PHLDB2: variants seen among roughly 807,000 people sequenced by gnomAD.
The protein encoded by PHLDB2 is pleckstrin homology-like domain family B member 2.
Under a neutral mutation model 123.6 loss-of-function variants are expected in PHLDB2, and 71 were observed. The ratio of observed to expected loss-of-function variants is 0.57; its 90% CI spans 0.47 to 0.70. The LOEUF (loss-of-function observed/expected upper bound fraction) is 0.70, where lower values mean the gene tolerates loss of function less well. Ranked by LOEUF, PHLDB2 falls within the 30% of genes least tolerant of loss-of-function variation. PHLDB2 has a pLI of 0.00. For synonymous variants in PHLDB2, 547 were observed against 541.6 expected (o/e 1.01, Z -0.14); for missense variants, 1,446 against 1,519.5 (o/e 0.95, Z 0.80).
chr3:111,858,856 C>A (rs1323524456), upstream of PHLDB2, among the ~76,000 whole-genome samples: 1 of 152,192 alleles, frequency 6.6e-6, no homozygotes, highest in Non-Finnish European at 1.5e-5. Context: ...TTCACATTCC[C>A]GCGTGCCGAG....
chr3:111,836,021 C>G (rs1051210168), intron 1 of PHLDB2, among the ~76,000 whole-genome samples: 1 of 152,186 alleles, frequency 6.6e-6, no homozygotes, highest in Non-Finnish European at 1.5e-5. Context: ...GTGGCATGAG[C>G]ATGTAAGCCA....
chr3:111,757,548 C>G (rs6764720), intron 1 of PHLDB2, among the ~76,000 whole-genome samples: 75,945 of 151,934 alleles, frequency 0.5, 19,572 homozygotes, highest in African/African-American at 0.62. Flanking sequence ...GTAGTTTGAT[C>G]GTCTGAAGCC....
At chr3:111,913,923 A>C (rs1420819122) in intron 3 of PHLDB2, 1 of 574,272 alleles carries the variant, frequency 1.7e-6, no homozygotes, top group Middle Eastern at 4.6e-4. Context: ...AAGAGTAGAA[A>C]GAAAGCACAT....
At chr3:111,968,624 C>T (rs1273354257) in intron 15 of PHLDB2, among the ~76,000 whole-genome samples, 1 of 152,168 alleles carries the variant, frequency 6.6e-6, no homozygotes, top group Non-Finnish European at 1.5e-5. Flanking sequence ...TTTGTGGTTG[C>T]TGGCCATTTG....
intron 1 of PHLDB2, among the ~76,000 whole-genome samples, chr3:111,780,742 C>A (rs1208859223): frequency 6.6e-6 from 1 of 152,040 alleles, no homozygotes; most frequent in Admixed American, 6.6e-5. Context: ...TGGGTTATGG[C>A]AGACTTGCAG....
intron 1 of PHLDB2, among the ~76,000 whole-genome samples, chr3:111,845,051 T>A (rs1215751508): frequency 6.6e-6 from 1 of 152,132 alleles, no homozygotes; most frequent in African/African-American, 2.4e-5. Context: ...CACTGGTTTC[T>A]TTCCCTATAA....
In PHLDB2 at chr3:111,969,698, T is replaced by G; in HGVS notation, c.3324T>G (p.Pro1108=). ...IRERQRAQAR[P]LTRYLPVRKE... Reference sequence around the variant, plus strand: ...GTTTTGCACTTTTCCAGGCTCGTCCTTTGACACGCTACCTGCCTGTCCGGA... The same window carrying G: ...GTTTTGCACTTTTCCAGGCTCGTCCGTTGACACGCTACCTGCCTGTCCGGA... The change falls in exon 16 of 18, where the codon CCT becomes CCG. Residue 1108 remains proline, a synonymous_variant. Coordinates refer to ENST00000431670, the MANE Select transcript of PHLDB2 (RefSeq NM_001134438.2). The G allele has an allele frequency of 1.2e-6, 2 of 1,613,874 alleles. No homozygotes were observed. The highest frequency in any genetic ancestry group is 2.2e-5 in the East Asian group (1 of 44,882).
chr3:111,822,968 G>T (rs1237443531), intron 1 of PHLDB2, among the ~76,000 whole-genome samples: 1 of 152,214 alleles, frequency 6.6e-6, no homozygotes, highest in Non-Finnish European at 1.5e-5. Flanking sequence ...ACAAAGGAAG[G>T]GCATTGGAGG....
intron 1 of PHLDB2, among the ~76,000 whole-genome samples, chr3:111,838,519 C>G (rs2108534956): frequency 6.6e-6 from 1 of 152,252 alleles, no homozygotes. Context: ...ACCTATTATA[C>G]TTTCAGAACC....
At chr3:111,874,162 A>T (rs1386590860) in intron 1 of PHLDB2, among the ~76,000 whole-genome samples, 1 of 152,056 alleles carries the variant, frequency 6.6e-6, no homozygotes, top group Non-Finnish European at 1.5e-5. Context: ...GCTACTTTTG[A>T]ATAATACCAA....
intron 1 of PHLDB2, among the ~76,000 whole-genome samples, chr3:111,735,198 A>T (rs902565566): frequency 1.3e-5 from 2 of 152,152 alleles, no homozygotes; most frequent in African/African-American, 4.8e-5. Flanking sequence ...ACTCATTTAA[A>T]TCTAAGAGAC....
At chr3:111,761,798 C>G (rs929043212) in intron 1 of PHLDB2, among the ~76,000 whole-genome samples, 1 of 152,100 alleles carries the variant, frequency 6.6e-6, no homozygotes, top group Non-Finnish European at 1.5e-5. Context: ...TAGGCAATAC[C>G]GGTTTCAGAA....
In PHLDB2 at chr3:111,885,203, G is replaced by A. The variant is rs146769860; in HGVS notation, c.1126G>A (p.Val376Ile). The change falls in exon 2 of 18, where the codon GTT becomes ATT. Residue 376 changes from valine (V) to isoleucine (I), a missense_variant. Val to Ile is a conservative substitution (Grantham distance 29). Around this residue, in one of 3 missense-constraint regions of PHLDB2, gnomAD observed 832 missense variants for 831.9 expected, o/e 1.00. Transcript: ENST00000431670. Reference sequence around the variant, plus strand: ...ACTTCTTGCTGGAGAGTCAGACAGAGTTTTTGCGACCAGGAGGAACTTCTC... The same window carrying A: ...ACTTCTTGCTGGAGAGTCAGACAGAATTTTTGCGACCAGGAGGAACTTCTC... ...HSLLAGESDR[V>I]FATRRNFSCG... is the part of the protein sequence containing the mutation. The A allele has an allele frequency of 7.4e-6, 12 of 1,614,034 alleles. No individual in the cohort carries two copies. The highest frequency in any genetic ancestry group is 1.6e-4 in the Middle Eastern group (1 of 6,084).
At chr3:111,751,358 C>T (rs1014618179) in intron 1 of PHLDB2, among the ~76,000 whole-genome samples, 2 of 152,086 alleles carry the variant, frequency 1.3e-5, no homozygotes, top group Non-Finnish European at 2.9e-5. Flanking sequence ...AAGAACAAAA[C>T]GAGCTATAAC....
chr3:111,805,846 C>CAAAA (rs10585193), intron 1 of PHLDB2, among the ~76,000 whole-genome samples: 2 of 93,158 alleles, frequency 2.1e-5, no homozygotes, highest in Admixed American at 1.1e-4. Context: ...TAGATGTATG[C>CAAAA]AAAAAAAAAA....
At chr3:111,834,043 A>G (rs778429743) in intron 1 of PHLDB2, among the ~76,000 whole-genome samples, 28 of 92,176 alleles carry the variant, frequency 3.0e-4, no homozygotes, top group Admixed American at 9.6e-4. Context: ...TATATGTAAT[A>G]GAATTATATA....
At chr3:111,791,516 AT>A (rs777284533) in intron 1 of PHLDB2, among the ~76,000 whole-genome samples, 4 of 152,222 alleles carry the variant, frequency 2.6e-5, no homozygotes, top group East Asian at 1.9e-4. Flanking sequence ...TTAAGAGATA[AT>A]GCAAAACTGT....
intron 12 of PHLDB2, among the ~76,000 whole-genome samples, chr3:111,955,637 G>A (rs1429382982): frequency 6.6e-6 from 1 of 152,022 alleles, no homozygotes; most frequent in Admixed American, 6.6e-5. Context: ...TTTTTTGGCA[G>A]AGATGGGTTT....
At position 111,777,961 on chromosome 3, in the gene PHLDB2, A is replaced by T. The variant is rs151305120; in HGVS notation, c.-49+45258A>T. On this transcript the variant is annotated intron_variant, in intron 1 of 17. Coordinates refer to the PHLDB2 transcript ENST00000393923. ...GGCTTCTGGCAAATCCAGACCATTT[A>T]ACAAACTCCAGCAGATATGTTTTAT... Among the ~76,000 whole-genome samples the T allele has an allele frequency of 6.2e-3, 947 of 152,048 alleles. 6 individuals carry two copies. Among genetic ancestry groups the T allele is most frequent in the Admixed American group, 7.0e-3 (107 of 15,250 alleles).
Sources: allele counts gnomAD v4.1 joint callset (sites outside exome capture counted in the v4.1 genomes callset), GRCh38; gene constraint gnomAD v4.1.1; regional missense constraint gnomAD v4.1.1; transcripts MANE v1.5; gene names NCBI Gene and HGNC (gene_info 2026-07-23, HGNC 2026-07-21).